The following COL19A1 variants were observed in gnomAD, a reference collection of about 807,000 sequenced individuals.
COL19A1 encodes collagen type XIX alpha 1 chain, also known as collagen alpha-1(XIX) chain.
In COL19A1, 159 loss-of-function variants were observed where a neutral mutation model predicts 190.2. The observed-to-expected ratio is 0.84, with a 90% CI of 0.73 to 0.95. COL19A1 has a LOEUF of 0.95. COL19A1 is among the 40% of genes least tolerant of loss of function. The pLI, the probability that COL19A1 is intolerant of heterozygous loss-of-function variation, is 0.00. For synonymous variants in COL19A1, 509 were observed against 458.9 expected (o/e 1.11, Z -1.39); for missense variants, 1,418 against 1,431.9 (o/e 0.99, Z 0.16).
intron 1 of COL19A1, among the ~76,000 whole-genome samples, chr6:69,873,060 G>A (rs888979028): frequency 3.3e-5 from 5 of 152,086 alleles, no homozygotes; most frequent in East Asian, 1.9e-4. Context: ...TGTAATATGC[G>A]GATATAATAC....
chr6:70,041,010 A>G (rs930726239), intron 14 of COL19A1, among the ~76,000 whole-genome samples: 2 of 152,184 alleles, frequency 1.3e-5, no homozygotes, highest in Admixed American at 6.5e-5. Context: ...ACTTTTTTTA[A>G]ACAAAATTTC....
chr6:69,883,213 G>A (rs948886976), intron 2 of COL19A1, among the ~76,000 whole-genome samples: 44 of 152,194 alleles, frequency 2.9e-4, no homozygotes, highest in African/African-American at 1.0e-3. Context: ...ATGAGGGGGA[G>A]GAGGTGTGAG....
At chr6:70,204,243 G>A (rs1313817974) in intron 49 of COL19A1, among the ~76,000 whole-genome samples, 4 of 152,152 alleles carry the variant, frequency 2.6e-5, no homozygotes, top group African/African-American at 7.2e-5. Context: ...ACAGGTCCAC[G>A]CTGAAGAGGT....
chr6:70,174,589 C>T (rs569359562), intron 41 of COL19A1, among the ~76,000 whole-genome samples: 1 of 151,952 alleles, frequency 6.6e-6, no homozygotes, highest in South Asian at 2.1e-4. Flanking sequence ...AACAGGACTA[C>T]ATGTGCTTTT....
At chr6:70,043,437 C>T (rs755064743) in intron 14 of COL19A1, among the ~76,000 whole-genome samples, 11 of 152,054 alleles carry the variant, frequency 7.2e-5, no homozygotes, top group Non-Finnish European at 1.5e-4. Flanking sequence ...CGTGATCTGC[C>T]CGTCTCGGCC....
intron 27 of COL19A1, 100 bp downstream of exon 27, chr6:70,146,989 G>A (rs1251944557): frequency 2.7e-5 from 28 of 1,049,454 alleles, no homozygotes; most frequent in East Asian, 5.2e-5. Context: ...GGTCAGAGAC[G>A]GAAATACAAA....
intron 9 of COL19A1, among the ~76,000 whole-genome samples, chr6:69,939,168 C>G (rs955783582): frequency 1.3e-5 from 2 of 151,984 alleles, no homozygotes; most frequent in African/African-American, 4.8e-5. Context: ...AGGGACAGGC[C>G]ATTTATTATT....
chr6:70,040,241 G>A (rs972229904), intron 14 of COL19A1, among the ~76,000 whole-genome samples: 8 of 151,896 alleles, frequency 5.3e-5, no homozygotes, highest in Non-Finnish European at 1.0e-4. Flanking sequence ...ATAACTCGTT[G>A]AGTCTGTATA....
chr6:69,948,399 A>C (rs149282878), intron 9 of COL19A1, among the ~76,000 whole-genome samples: 41 of 151,942 alleles, frequency 2.7e-4, no homozygotes, highest in African/African-American at 9.2e-4. Flanking sequence ...AACACTCCAA[A>C]ATGACAGCCC....
At chr6:70,057,299 C>A (rs1192217292) in intron 14 of COL19A1, among the ~76,000 whole-genome samples, 3 of 152,018 alleles carry the variant, frequency 2.0e-5, no homozygotes, top group African/African-American at 7.2e-5. Flanking sequence ...CAGACCATGA[C>A]CTACCAATTT....
intron 48 of COL19A1, among the ~76,000 whole-genome samples, chr6:70,194,995 G>A (rs1767100344): frequency 6.6e-6 from 1 of 151,038 alleles, no homozygotes; most frequent in Admixed American, 6.6e-5. Flanking sequence ...ATATGAATGT[G>A]TGTAAATATG....
chr6:69,892,707 A>G (rs970780305), intron 2 of COL19A1, among the ~76,000 whole-genome samples: 4 of 152,210 alleles, frequency 2.6e-5, no homozygotes, highest in African/African-American at 9.7e-5. Context: ...TAGATCTGTT[A>G]GAAAGTGACA....
chr6:69,889,395 TCTCA>T (rs1248280313), intron 2 of COL19A1, among the ~76,000 whole-genome samples: 2 of 151,828 alleles, frequency 1.3e-5, no homozygotes, highest in Admixed American at 6.6e-5. Flanking sequence ...TCTCTTTTTA[TCTCA>T]CTCACTATGT....
rs189099146 is a variant in COL19A1, at chr6:70,178,855, G to A, written c.2668-1457G>A. ...TTCTTTGCCTTACTCTGAGGAAAGC[G>A]TGTGGGTTTACAGGAAGAAGTGCCT... On this transcript the variant is annotated intron_variant, in intron 42 of 50. Transcript: ENST00000620364. Among the ~76,000 whole-genome samples, 12 of 152,238 alleles carry A rather than the reference G, an allele frequency of 7.9e-5. No individual in the cohort carries two copies. In the East Asian group the frequency reaches 1.2e-3, roughly 15 times the overall value.
intron 25 of COL19A1, 64 bp from the exon 26 acceptor site, chr6:70,146,595 T>C (rs1443697713): frequency 4.0e-6 from 5 of 1,236,890 alleles, no homozygotes; most frequent in South Asian, 1.6e-5. Flanking sequence ...ATTTTAGTTA[T>C]AACTTCTAAT....
chr6:70,035,985 T>C (rs1779333816), intron 14 of COL19A1, 46 bp downstream of exon 14: 2 of 1,563,022 alleles, frequency 1.3e-6, no homozygotes. Flanking sequence ...TCCATTATTC[T>C]GTTTATTATC....
At chr6:69,917,664 C>G (rs374167448) in intron 4 of COL19A1, among the ~76,000 whole-genome samples, 1 of 151,978 alleles carries the variant, frequency 6.6e-6, no homozygotes, top group Non-Finnish European at 1.5e-5. Flanking sequence ...AATCTTAGAC[C>G]GTTCAAGGGA....
intron 48 of COL19A1, 105 bp from the exon 49 acceptor site, chr6:70,199,503 T>G: frequency 4.2e-6 from 4 of 946,392 alleles, no homozygotes; most frequent in Non-Finnish European, 5.7e-6. Flanking sequence ...TGTGCTTAAA[T>G]TAAAAACTAA....
chr6:70,004,650 C>A (rs1777500084), intron 11 of COL19A1, among the ~76,000 whole-genome samples: 1 of 152,080 alleles, frequency 6.6e-6, no homozygotes, highest in Admixed American at 6.6e-5. Flanking sequence ...TCCTTTCTTC[C>A]ACTTCACAAA....
Sources: allele counts gnomAD v4.1 joint callset (sites outside exome capture counted in the v4.1 genomes callset), GRCh38; gene constraint gnomAD v4.1.1; transcripts MANE v1.5; gene names NCBI Gene and HGNC (gene_info 2026-07-23, HGNC 2026-07-21).